Variants in ATP2B2 observed in about 807,000 individuals in gnomAD.
ATP2B2 encodes ATPase plasma membrane Ca2+ transporting 2.
A neutral mutation model predicts 120.0 loss-of-function variants in ATP2B2; 15 were observed. The observed-to-expected ratio is 0.12, with a 90% confidence interval of 0.08 to 0.19. ATP2B2 has a LOEUF of 0.19. Among genes scored for constraint, ATP2B2 ranks in the 10% least tolerant of loss-of-function variants. ATP2B2 has a pLI of 1.00. For synonymous variants in ATP2B2, 694 were observed against 700.3 expected (o/e 0.99, Z 0.14); for missense variants, 1,045 against 1,719.8 (o/e 0.61, Z 6.94).
At chr3:10,359,853 T>A in intron 13 of ATP2B2, 29 bp downstream of exon 13, 1 of 1,614,018 alleles carries the variant, frequency 6.2e-7, no homozygotes, top group Non-Finnish European at 8.5e-7. Flanking sequence ...GGCACAGCCC[T>A]CAGCCCCGGT....
At chr3:10,688,185 T>C (rs2125710577) in intron 1 of ATP2B2, among the ~76,000 whole-genome samples, 1 of 152,300 alleles carries the variant, frequency 6.6e-6, no homozygotes, top group Non-Finnish European at 1.5e-5. Context: ...TCCACACCTG[T>C]CTGCCTCATA....
chr3:10,476,864 G>A (rs985905529), intron 1 of ATP2B2, among the ~76,000 whole-genome samples: 6 of 152,322 alleles, frequency 3.9e-5, no homozygotes, highest in Non-Finnish European at 4.4e-5. Flanking sequence ...CAGTGAGGAA[G>A]CAGATGGAGG....
At chr3:10,513,709 A>G (rs975916960) in intron 3 of ATP2B2, among the ~76,000 whole-genome samples, 2 of 152,166 alleles carry the variant, frequency 1.3e-5, no homozygotes, top group African/African-American at 4.8e-5. Context: ...GCCAGTAGAC[A>G]TTCACAGAGT....
intron 2 of ATP2B2, among the ~76,000 whole-genome samples, chr3:10,550,267 G>A (rs1371783460): frequency 1.3e-5 from 2 of 152,194 alleles, no homozygotes; most frequent in Non-Finnish European, 2.9e-5. Flanking sequence ...TAGAACGGAA[G>A]TAAATAGCAA....
intron 2 of ATP2B2, among the ~76,000 whole-genome samples, chr3:10,563,738 G>A (rs1296584789): frequency 6.6e-6 from 1 of 152,200 alleles, no homozygotes; most frequent in African/African-American, 2.4e-5. Context: ...CAGTGTTCCA[G>A]CCACCTGACT....
chr3:10,443,189 C>G (rs932248392), intron 2 of ATP2B2, among the ~76,000 whole-genome samples: 1 of 152,190 alleles, frequency 6.6e-6, no homozygotes, highest in Non-Finnish European at 1.5e-5. Context: ...CTCCTCAATT[C>G]TGTTTTCTCC....
At chr3:10,437,142 G>C (rs1342909588) in intron 2 of ATP2B2, among the ~76,000 whole-genome samples, 1 of 152,186 alleles carries the variant, frequency 6.6e-6, no homozygotes, top group African/African-American at 2.4e-5. Context: ...TGGGACTGTG[G>C]ATTGGGAGAC....
At chr3:10,674,220 C>G (rs1415031493) in intron 1 of ATP2B2, among the ~76,000 whole-genome samples, 1 of 152,320 alleles carries the variant, frequency 6.6e-6, no homozygotes, top group South Asian at 2.1e-4. Flanking sequence ...GAAATTTACT[C>G]TCTACCTGGT....
At chr3:10,380,003 C>T (rs2061488464) in intron 8 of ATP2B2, among the ~76,000 whole-genome samples, 1 of 152,188 alleles carries the variant, frequency 6.6e-6, no homozygotes, top group South Asian at 2.1e-4. Flanking sequence ...TACGAGGGAC[C>T]TCAAGTGTGG....
At chr3:10,350,241 G>T (rs775765347) in intron 15 of ATP2B2, 42 bp from the exon 16 acceptor site, 2 of 1,580,540 alleles carry the variant, frequency 1.3e-6, no homozygotes, top group Non-Finnish European at 8.7e-7. Flanking sequence ...TGGGGTCGGG[G>T]AGAGAAACTG....
upstream of ATP2B2, chr3:10,708,008 G>GCGGCTC (rs2071926383): frequency 6.9e-6 from 1 of 144,494 alleles, no homozygotes; most frequent in African/African-American, 2.5e-5. Flanking sequence ...CGCTGCGGCT[G>GCGGCTC]CGGCTCCTCT....
intron 3 of ATP2B2, among the ~76,000 whole-genome samples, chr3:10,409,046 T>C (rs377058969): frequency 1.2e-3 from 188 of 152,378 alleles, no homozygotes; most frequent in African/African-American, 4.3e-3. Flanking sequence ...TGAGGACTGA[T>C]AATTAAATGG....
chr3:10,653,960 T>A (rs904851350), intron 1 of ATP2B2, among the ~76,000 whole-genome samples: 1 of 152,182 alleles, frequency 6.6e-6, no homozygotes, highest in Non-Finnish European at 1.5e-5. Flanking sequence ...CTGTGAGGCC[T>A]TCTTGATAAT....
chr3:10,400,910 T>A, intron 5 of ATP2B2, 43 bp downstream of exon 5: 1 of 1,612,726 alleles, frequency 6.2e-7, no homozygotes, highest in Non-Finnish European at 8.5e-7. Context: ...GCATCCCCTG[T>A]GCATGGCGAC....
At chr3:10,509,464 C>G (rs1201603317), upstream of ATP2B2, among the ~76,000 whole-genome samples, 3 of 152,106 alleles carry the variant, frequency 2.0e-5, no homozygotes, top group African/African-American at 7.2e-5. Flanking sequence ...CCACAGATCA[C>G]CCTCAAAGAG....
At chr3:10,391,919 G>A (rs979508781) in intron 5 of ATP2B2, among the ~76,000 whole-genome samples, 3 of 152,130 alleles carry the variant, frequency 2.0e-5, no homozygotes, top group African/African-American at 7.2e-5. Flanking sequence ...AGTTCACTGG[G>A]CCTTGGTGTC....
chr3:10,575,262 G>A (rs1341959791), intron 2 of ATP2B2, among the ~76,000 whole-genome samples: 3 of 152,164 alleles, frequency 2.0e-5, no homozygotes, highest in Non-Finnish European at 1.5e-5. Flanking sequence ...CTGAGGGGAG[G>A]TGCAAGAAGG....
intron 6 of ATP2B2, among the ~76,000 whole-genome samples, chr3:10,387,494 G>C (rs1309463266): frequency 6.6e-6 from 1 of 152,210 alleles, no homozygotes; most frequent in Non-Finnish European, 1.5e-5. Flanking sequence ...GGAGACAAAA[G>C]ACTGAAAATG....
chr3:10,637,871 T>C (rs2070066460), intron 1 of ATP2B2, among the ~76,000 whole-genome samples: 1 of 149,324 alleles, frequency 6.7e-6, no homozygotes, highest in Non-Finnish European at 1.5e-5. Flanking sequence ...GGAAAACAAG[T>C]GGGAAGGAGA....
Sources: gnomAD v4.1 joint callset for allele counts (sites outside exome capture counted in the v4.1 genomes callset) on GRCh38, gnomAD v4.1.1 for gene constraint, MANE v1.5 for transcripts, NCBI Gene and HGNC (gene_info 2026-07-23, HGNC 2026-07-21) for gene names.